Variants in HDAC9 observed in about 807,000 individuals in gnomAD.
HDAC9 encodes MEF-2 interacting transcription repressor (MITR) protein.
In HDAC9, 41 loss-of-function variants were observed where a neutral mutation model predicts 139.4. The observed-to-expected ratio is 0.29, with a 90% CI of 0.23 to 0.38. HDAC9 has a LOEUF of 0.38. Among genes scored for constraint, HDAC9 ranks in the 10% least tolerant of loss-of-function variants. The pLI, the probability that HDAC9 is intolerant of heterozygous loss-of-function variation, is 1.00. For synonymous variants in HDAC9, 517 were observed against 476.2 expected (o/e 1.09, Z -1.12); for missense variants, 1,147 against 1,297.0 (o/e 0.88, Z 1.78).
At chr7:18,087,668 G>A (rs1463720819) in intron 1 of HDAC9, among the ~76,000 whole-genome samples, 1 of 152,196 alleles carries the variant, frequency 6.6e-6, no homozygotes, top group Non-Finnish European at 1.5e-5. Context: ...TTTAAGAAAA[G>A]TTCAGGAGGC....
At chr7:18,320,596 C>T (rs1176870037) in intron 1 of HDAC9, among the ~76,000 whole-genome samples, 1 of 152,148 alleles carries the variant, frequency 6.6e-6, no homozygotes, top group Non-Finnish European at 1.5e-5. Context: ...ACTTGAAGGA[C>T]CTGTCATTCT....
chr7:18,690,051 C>CG (rs1782562624), intron 12 of HDAC9, among the ~76,000 whole-genome samples: 2 of 151,952 alleles, frequency 1.3e-5, no homozygotes, highest in Admixed American at 1.3e-4. Flanking sequence ...GGAACAGAGG[C>CG]GGTGACTGTA....
intron 1 of HDAC9, among the ~76,000 whole-genome samples, chr7:18,408,109 A>C (rs940007927): frequency 6.6e-6 from 1 of 152,164 alleles, no homozygotes; most frequent in Non-Finnish European, 1.5e-5. Flanking sequence ...TTGGTACTCA[A>C]TAAGTGTTAA....
chr7:18,673,406 C>T lies in HDAC9; in HGVS notation c.1731+6930C>T, dbSNP rs866862557. On this transcript the variant is annotated intron_variant, in intron 12 of 25. Coordinates refer to ENST00000686413, the MANE Select transcript of HDAC9 (RefSeq NM_178425.4). ...CTAGTAGCCACATGTACCTATTGAACGTTTAAATGTGGTTGGCAAGAATTG... is the reference window on the plus strand; with the variant it reads ...CTAGTAGCCACATGTACCTATTGAATGTTTAAATGTGGTTGGCAAGAATTG... Among the ~76,000 whole-genome samples the T allele has an allele frequency of 3.9e-5, 6 of 152,082 alleles. No individual in the cohort carries two copies. The East Asian group carries it at 5.8e-4, about 15-fold the overall frequency.
chr7:18,297,348 G>T (rs1585050904), intron 1 of HDAC9, among the ~76,000 whole-genome samples: 1 of 152,238 alleles, frequency 6.6e-6, no homozygotes, highest in Admixed American at 6.5e-5. Flanking sequence ...TTATTAGGCT[G>T]GCACAAAAGT....
intron 16 of HDAC9, among the ~76,000 whole-genome samples, chr7:18,786,485 TCTTCCTTCCTTC>T (rs143616708): frequency 7.8e-6 from 1 of 128,480 alleles, no homozygotes; most frequent in African/African-American, 3.7e-5. Context: ...TTCCTTCCTT[TCTTCCTTCCTTC>T]CTTCCTTCCT....
intron 2 of HDAC9, among the ~76,000 whole-genome samples, chr7:18,551,959 A>G (rs1176205227): frequency 2.7e-4 from 41 of 152,156 alleles, no homozygotes. Context: ...CTTTATTATG[A>G]TCACATTTGT....
At chr7:18,724,627 C>T (rs1785390996) in intron 12 of HDAC9, among the ~76,000 whole-genome samples, 5 of 152,092 alleles carry the variant, frequency 3.3e-5, no homozygotes, top group Admixed American at 2.6e-4. Flanking sequence ...AGTAATTGTG[C>T]TATGACATTA....
At chr7:18,255,863 G>A (rs1795206767) in intron 2 of HDAC9, among the ~76,000 whole-genome samples, 1 of 151,924 alleles carries the variant, frequency 6.6e-6, no homozygotes, top group Non-Finnish European at 1.5e-5. Context: ...TCTTGACGTC[G>A]TGATCTGCCC....
chr7:18,846,228 C>A (rs1448704184), intron 21 of HDAC9, among the ~76,000 whole-genome samples: 1 of 152,198 alleles, frequency 6.6e-6, no homozygotes, highest in Non-Finnish European at 1.5e-5. Flanking sequence ...ATATCACTCA[C>A]CGACTCCTCA....
chr7:18,870,742 T>C (rs1358526510), intron 21 of HDAC9, among the ~76,000 whole-genome samples: 1 of 152,142 alleles, frequency 6.6e-6, no homozygotes. Flanking sequence ...GGCATGATCA[T>C]AACTCATTGC....
intron 25 of HDAC9, among the ~76,000 whole-genome samples, chr7:18,985,670 G>C (rs1455627350): frequency 6.9e-6 from 1 of 145,382 alleles, no homozygotes; most frequent in Non-Finnish European, 1.5e-5. Context: ...GGTTGAACTA[G>C]TTTACAGTCC....
intron 1 of HDAC9, among the ~76,000 whole-genome samples, chr7:18,366,050 G>T (rs964115320): frequency 1.3e-5 from 2 of 151,258 alleles, no homozygotes; most frequent in Admixed American, 1.3e-4. Context: ...AAATCAAATG[G>T]CAGGCTATTT....
chr7:18,541,164 T>TTC (rs1554482466), intron 2 of HDAC9, among the ~76,000 whole-genome samples: 1 of 149,998 alleles, frequency 6.7e-6, no homozygotes, highest in Admixed American at 6.7e-5. Context: ...TTTTTTTTTT[T>TTC]TTCTGATTGA....
chr7:18,738,663 C>G (rs1787153904), intron 13 of HDAC9, among the ~76,000 whole-genome samples: 1 of 152,170 alleles, frequency 6.6e-6, no homozygotes, highest in South Asian at 2.1e-4. Flanking sequence ...TTGTGGGTAA[C>G]CCGACCTTTG....
intron 22 of HDAC9, among the ~76,000 whole-genome samples, chr7:18,920,602 T>C (rs535060325): frequency 2.0e-5 from 3 of 152,200 alleles, no homozygotes; most frequent in East Asian, 3.9e-4. Flanking sequence ...CCAGTTTTTG[T>C]CCATTCAGTA....
chr7:18,901,878 GTA>G (rs1801757337), intron 22 of HDAC9, among the ~76,000 whole-genome samples: 1 of 152,148 alleles, frequency 6.6e-6, no homozygotes, highest in East Asian at 1.9e-4. Context: ...TGTCCCAAGA[GTA>G]TGTCATATTA....
chr7:18,136,371 C>T (rs988150993), intron 1 of HDAC9, among the ~76,000 whole-genome samples: 7 of 152,114 alleles, frequency 4.6e-5, no homozygotes, highest in African/African-American at 1.7e-4. Flanking sequence ...GACATGAAGT[C>T]CTTGCCCATG....
chr7:18,516,862 GAA>G (rs35689821), intron 2 of HDAC9, among the ~76,000 whole-genome samples: 9 of 55,078 alleles, frequency 1.6e-4, no homozygotes, highest in South Asian at 1.3e-3. Context: ...CTCCATTTCA[GAA>G]AAAAAAAAAA....
Sources: gnomAD v4.1 joint callset for allele counts (sites outside exome capture counted in the v4.1 genomes callset) on GRCh38, gnomAD v4.1.1 for gene constraint, MANE v1.5 for transcripts, NCBI Gene and HGNC (gene_info 2026-07-23, HGNC 2026-07-21) for gene names.